Variants in TMEM120B observed in about 807,000 individuals in gnomAD.
The protein encoded by TMEM120B is transmembrane protein 120B.
Under a neutral mutation model 55.5 loss-of-function variants are expected in TMEM120B, and 31 were observed. The observed-to-expected ratio is 0.56, with a 90% CI of 0.42 to 0.75. TMEM120B has a LOEUF of 0.75. TMEM120B is among the 30% of genes least tolerant of loss of function. The probability of loss-of-function intolerance (pLI) is 0.00; values close to 1 mark genes in which losing one functional copy is unlikely to be tolerated. For synonymous variants in TMEM120B, 203 were observed against 176.3 expected (o/e 1.15, Z -1.20); for missense variants, 399 against 425.5 (o/e 0.94, Z 0.55).
In TMEM120B at chr12:121,781,498, C is replaced by A. The variant is rs937590777; in HGVS notation, c.*5776C>A. The A allele has an allele frequency of 3.0e-6, 1 of 336,056 alleles. No homozygotes were observed. Among genetic ancestry groups the A allele is most frequent in the Non-Finnish European group, 5.7e-6 (1 of 175,782 alleles). 20.8% of individuals were successfully genotyped at this position (336,056 alleles called of 1,614,324 possible). On this transcript the variant is annotated 3_prime_UTR_variant, in exon 12 of 12. Coordinates refer to ENST00000449592, the MANE Select transcript of TMEM120B (RefSeq NM_001080825.2). ...AACAACAAAACCCATGAGCGGCAGC[C>A]CCCCAGTCCTGGATGGTGGTAAAGA...
chr12:121,734,591 G>A (rs1014426815), intron 1 of TMEM120B, among the ~76,000 whole-genome samples: 7 of 149,742 alleles, frequency 4.7e-5, no homozygotes, highest in African/African-American at 1.7e-4. Flanking sequence ...TTTTTAGTTT[G>A]CAAAATAAGT....
chr12:121,775,491 G>GCAAAA lies in TMEM120B; in HGVS notation c.907-116_907-112dup. 6.8e-7 allele frequency: 1 copy of GCAAAA among 1,467,440 alleles called. No homozygotes were observed. The highest frequency in any genetic ancestry group is 9.0e-7 in the Non-Finnish European group (1 of 1,113,782). The allele number at this position is 1,467,440 out of a possible 1,614,324, so 90.9% of individuals were successfully genotyped here. On this transcript the variant is annotated intron_variant, in intron 11 of 11. Coordinates refer to ENST00000449592, the MANE Select transcript of TMEM120B (RefSeq NM_001080825.2). The surrounding 1 kb of genome is among the most constrained non-coding windows in gnomAD (Gnocchi z 4.3). ...GTCTCCTGAATCTCTGCCTTCGATGGCAAAACCCTGCAGTTTGGGAGTTTG... is the reference window on the plus strand; with the variant it reads ...GTCTCCTGAATCTCTGCCTTCGATGGCAAAACAAAACCCTGCAGTTTGGGAGTTTG...
chr12:121,729,429 AAC>A (rs1224085931), intron 1 of TMEM120B, among the ~76,000 whole-genome samples: 2 of 152,178 alleles, frequency 1.3e-5, no homozygotes, highest in Non-Finnish European at 1.5e-5. Flanking sequence ...CTGCATAGAA[AAC>A]AGTATGGCAG....
intron 1 of TMEM120B, among the ~76,000 whole-genome samples, chr12:121,720,168 C>T (rs1894768613): frequency 2.0e-5 from 3 of 152,168 alleles, no homozygotes; most frequent in Admixed American, 6.6e-5. Flanking sequence ...TTGATGGCAG[C>T]ATCAAATCAC....
At chr12:121,731,414 G>A in intron 1 of TMEM120B, among the ~76,000 whole-genome samples, 1 of 152,104 alleles carries the variant, frequency 6.6e-6, no homozygotes, top group Non-Finnish European at 1.5e-5. Flanking sequence ...ACCATGCCTG[G>A]CTAATTTTTG....
chr12:121,772,041 C>G (rs200365983), intron 8 of TMEM120B, among the ~76,000 whole-genome samples: 2 of 115,240 alleles, frequency 1.7e-5, no homozygotes, highest in African/African-American at 9.4e-5. Flanking sequence ...CTTTCTTTCT[C>G]TTTCTTTCTT....
intron 6 of TMEM120B, among the ~76,000 whole-genome samples, chr12:121,766,052 G>A (rs1566523777): frequency 6.6e-6 from 1 of 152,150 alleles, no homozygotes; most frequent in Non-Finnish European, 1.5e-5. Context: ...AGGGTCCTGG[G>A]GCCATCACGG....
chr12:121,766,196 G>C (rs980133525), intron 6 of TMEM120B, among the ~76,000 whole-genome samples: 1 of 152,098 alleles, frequency 6.6e-6, no homozygotes, highest in East Asian at 1.9e-4. Context: ...GTGGTCAGGG[G>C]AGCAGGTAGG....
At chr12:121,749,164 C>G (rs960050107) in intron 3 of TMEM120B, among the ~76,000 whole-genome samples, 2 of 152,180 alleles carry the variant, frequency 1.3e-5, no homozygotes, top group Admixed American at 6.5e-5. Context: ...AGGGAGCTGG[C>G]TAGCCCTGTT....
intron 5 of TMEM120B, among the ~76,000 whole-genome samples, chr12:121,757,038 C>T (rs1463921031): frequency 6.6e-6 from 1 of 151,850 alleles, no homozygotes; most frequent in South Asian, 2.1e-4. Context: ...CACCAGAGAG[C>T]GTCCACAGTC....
chr12:121,719,744 G>C (rs1301021482), intron 1 of TMEM120B, among the ~76,000 whole-genome samples: 4 of 152,026 alleles, frequency 2.6e-5, no homozygotes, highest in Non-Finnish European at 4.4e-5. Context: ...GTCCAGGCTG[G>C]AGTACAATGG....
At chr12:121,764,160 CAAAA>C (rs150917405) in intron 6 of TMEM120B, among the ~76,000 whole-genome samples, 3 of 117,974 alleles carry the variant, frequency 2.5e-5, no homozygotes, top group Admixed American at 8.8e-5. Context: ...TCATCTTTAC[CAAAA>C]AAAAAAAAAA....
chr12:121,722,165 C>T (rs1894805899), intron 1 of TMEM120B, among the ~76,000 whole-genome samples: 1 of 147,816 alleles, frequency 6.8e-6, no homozygotes, highest in African/African-American at 2.5e-5. Context: ...GTGGCACGAT[C>T]TCGGCTCACT....
At chr12:121,731,060 G>A (rs1894994248) in intron 1 of TMEM120B, among the ~76,000 whole-genome samples, 1 of 152,124 alleles carries the variant, frequency 6.6e-6, no homozygotes, top group South Asian at 2.1e-4. Context: ...TGATTGCCAG[G>A]GGCTGAGGGG....
chr12:121,725,147 T>A (rs1305858990), intron 1 of TMEM120B, among the ~76,000 whole-genome samples: 1 of 152,170 alleles, frequency 6.6e-6, no homozygotes, highest in African/African-American at 2.4e-5. Context: ...TGTGCTTTGT[T>A]TGTTTGTTTG....
Position 121,777,036 on chromosome 12 carries a change from A to G in TMEM120B, c.*1314A>G, listed in dbSNP as rs1241796909. The G allele has an allele frequency of 6.7e-6, 1 of 150,042 alleles. No homozygotes were observed. Among genetic ancestry groups the G allele is most frequent in the Non-Finnish European group, 1.5e-5 (1 of 67,608 alleles). 9.3% of individuals were successfully genotyped at this position (150,042 alleles called of 1,614,324 possible). On this transcript the variant is annotated 3_prime_UTR_variant, in exon 12 of 12. Coordinates refer to ENST00000449592, the MANE Select transcript of TMEM120B (RefSeq NM_001080825.2). ...AGTGACACAATCTCAGCTCACTGCAACCTCTGCCTCCCAGGTTCAAGTGAT... is the reference window on the plus strand; with the variant it reads ...AGTGACACAATCTCAGCTCACTGCAGCCTCTGCCTCCCAGGTTCAAGTGAT...
chr12:121,774,862 C>G, intron 10 of TMEM120B, 140 bp downstream of exon 10: 1 of 1,226,882 alleles, frequency 8.2e-7, no homozygotes, highest in Non-Finnish European at 1.1e-6. Context: ...GCCTCTGGGC[C>G]CAGGGATGCC....
At chr12:121,732,251 G>A (rs780792449) in intron 1 of TMEM120B, among the ~76,000 whole-genome samples, 3 of 152,354 alleles carry the variant, frequency 2.0e-5, no homozygotes, top group South Asian at 2.1e-4. Context: ...GGGCGTGGGC[G>A]CAGAATGCCT....
chr12:121,771,305 G>A (rs1169814320), intron 7 of TMEM120B, among the ~76,000 whole-genome samples, 183 bp from the exon 8 acceptor site: 1 of 152,146 alleles, frequency 6.6e-6, no homozygotes, highest in Non-Finnish European at 1.5e-5. Flanking sequence ...GTGGACCCCT[G>A]TGCTTCTAGA....
Sources: gnomAD v4.1 joint callset for allele counts (sites outside exome capture counted in the v4.1 genomes callset) on GRCh38, gnomAD v4.1.1 for gene constraint, Gnocchi (gnomAD v3.1) non-coding constraint, MANE v1.5 for transcripts, NCBI Gene and HGNC (gene_info 2026-07-23, HGNC 2026-07-21) for gene names.